The following TMEM117 variants were observed in gnomAD, a reference collection of about 807,000 sequenced individuals.
The protein encoded by TMEM117 is transmembrane protein 117.
Under a neutral mutation model 52.4 loss-of-function variants are expected in TMEM117, and 27 were observed. The ratio of observed to expected loss-of-function variants is 0.51; its 90% CI spans 0.38 to 0.71. TMEM117 has a LOEUF of 0.71. TMEM117 is among the 30% of genes least tolerant of loss of function. The probability of loss-of-function intolerance (pLI) is 0.00; values close to 1 mark genes in which losing one functional copy is unlikely to be tolerated. For synonymous variants in TMEM117, 215 were observed against 206.3 expected (o/e 1.04, Z -0.36); for missense variants, 556 against 630.5 (o/e 0.88, Z 1.26).
intron 6 of TMEM117, among the ~76,000 whole-genome samples, chr12:44,357,003 C>A (rs1951658285): frequency 6.6e-6 from 1 of 152,168 alleles, no homozygotes; most frequent in Admixed American, 6.6e-5. Context: ...CCTTCACACA[C>A]TGGCTCCTTC....
intron 3 of TMEM117, among the ~76,000 whole-genome samples, chr12:44,123,243 G>GTT (rs369011221): frequency 9.7e-5 from 14 of 144,860 alleles, no homozygotes; most frequent in African/African-American, 2.3e-4. Context: ...TTTTTAATGG[G>GTT]GTTTTTTTTT....
At chr12:44,274,426 A>C (rs527777031) in intron 5 of TMEM117, among the ~76,000 whole-genome samples, 2 of 152,266 alleles carry the variant, frequency 1.3e-5, no homozygotes, top group Non-Finnish European at 2.9e-5. Flanking sequence ...AATACTAATG[A>C]CATTCTTCAC....
chr12:43,974,692 G>A (rs1027735514), intron 3 of TMEM117, among the ~76,000 whole-genome samples: 1 of 151,998 alleles, frequency 6.6e-6, no homozygotes, highest in Admixed American at 6.6e-5. Flanking sequence ...CATTTTTGAT[G>A]TCTGTTATTC....
At chr12:44,202,576 T>A (rs1330370734) in intron 4 of TMEM117, among the ~76,000 whole-genome samples, 1 of 152,200 alleles carries the variant, frequency 6.6e-6, no homozygotes, top group Non-Finnish European at 1.5e-5. Context: ...TGTGTGTATG[T>A]TCATCAGGGA....
chr12:44,287,142 A>G (rs574606361), intron 5 of TMEM117, among the ~76,000 whole-genome samples: 31 of 152,322 alleles, frequency 2.0e-4, no homozygotes, highest in Non-Finnish European at 4.6e-4. Context: ...TCTTAGTCTC[A>G]CATTCTAATT....
At chr12:44,291,374 G>GTTTTTTTT (rs1185340451) in intron 5 of TMEM117, among the ~76,000 whole-genome samples, 1 of 71,456 alleles carries the variant, frequency 1.4e-5, no homozygotes, top group African/African-American at 5.8e-5. Flanking sequence ...AGTTCTAACA[G>GTTTTTTTT]TTTTTTTTTT....
chr12:44,076,571 G>A (rs1302326157), intron 3 of TMEM117, among the ~76,000 whole-genome samples: 4 of 152,176 alleles, frequency 2.6e-5, no homozygotes, highest in Admixed American at 2.6e-4. Flanking sequence ...ATGTAAGTGA[G>A]ATATTCTGTT....
rs183009205 is a variant in TMEM117, at chr12:44,146,079, T to C, written c.510+2455T>C. 1.4e-3 allele frequency among the ~76,000 whole-genome samples: 207 copies of C among 152,288 alleles called. 2 individuals are homozygous for C. Among genetic ancestry groups the C allele is most frequent in the Middle Eastern group, 0.01 (3 of 294 alleles). On this transcript the variant is annotated intron_variant, in intron 4 of 7. Coordinates refer to ENST00000266534, the MANE Select transcript of TMEM117 (RefSeq NM_032256.3). ...TTTTAACCATAGGGAGGGGTCCAATTGCTGCAGCACCCTTAGGAGGAAAAT... is the reference window on the plus strand; with the variant it reads ...TTTTAACCATAGGGAGGGGTCCAATCGCTGCAGCACCCTTAGGAGGAAAAT...
rs762906451 is a variant in TMEM117 at position 44,376,592 on chromosome 12, C to T, written c.769-3C>T. 1 of 1,596,656 alleles carries T rather than the reference C, an allele frequency of 6.3e-7. No homozygotes were observed. The highest frequency in any genetic ancestry group is 8.5e-7 in the Non-Finnish European group (1 of 1,173,032). The stretch of plus-strand genomic sequence containing the variant: ...AATGTTTTTATTTGATTTTCTCTGA[C>T]AGGACTGGGAATTCCCACATTTCAT... On this transcript the variant is annotated splice_region_variant and splice_polypyrimidine_tract_variant and intron_variant, in intron 6 of 7. Transcript: ENST00000266534.
rs1022454600 is a variant in TMEM117, at chr12:43,996,965, C to G, written c.410+52623C>G. Reference sequence around the variant, plus strand: ...CAATATAGAGAGCAGATACAAGAGTCAGAAAAATTATCCAGACAGTGCCTG... The same window carrying G: ...CAATATAGAGAGCAGATACAAGAGTGAGAAAAATTATCCAGACAGTGCCTG... On this transcript the variant is annotated intron_variant, in intron 3 of 7. Transcript: ENST00000266534. 5.3e-5 allele frequency among the ~76,000 whole-genome samples: 8 copies of G among 152,318 alleles called. 1 individual carries two copies. Among genetic ancestry groups the G allele is most frequent in the African/African-American group, 1.9e-4 (8 of 41,570 alleles).
At chr12:44,250,182 A>G (rs1033809119) in intron 5 of TMEM117, among the ~76,000 whole-genome samples, 1 of 152,192 alleles carries the variant, frequency 6.6e-6, no homozygotes, top group African/African-American at 2.4e-5. Flanking sequence ...GGCAAAGGAT[A>G]TGAACAGACA....
At chr12:43,796,109 G>A in the TMEM117 span, among the ~76,000 whole-genome samples, 1 of 152,190 alleles carries the variant, frequency 6.6e-6, no homozygotes, top group African/African-American at 2.4e-5. Context: ...CTCTACAAGA[G>A]AGGTAAACAA....
chr12:44,246,256 T>A (rs541679235), intron 5 of TMEM117, among the ~76,000 whole-genome samples: 1 of 152,280 alleles, frequency 6.6e-6, no homozygotes, highest in African/African-American at 2.4e-5. Context: ...CCCTCCCTAG[T>A]AGAACTAAAT....
rs184059956 is a variant in TMEM117 at position 44,028,063 on chromosome 12, G to A, written c.410+83721G>A. Among the ~76,000 whole-genome samples the A allele has an allele frequency of 6.2e-3, 941 of 152,212 alleles. 17 individuals carry two copies. The highest frequency in any genetic ancestry group is 0.026 in the Admixed American group (400 of 15,294). On this transcript the variant is annotated intron_variant, in intron 3 of 7. Coordinates refer to ENST00000266534, the MANE Select transcript of TMEM117 (RefSeq NM_032256.3). ...AAAAAATTAGCTGGGCATGGTGATG[G>A]GCACCTGTAGTCCCAGCTACTCGGG... is the stretch of plus-strand genomic sequence containing the variant.
intron 2 of TMEM117, among the ~76,000 whole-genome samples, chr12:43,845,460 CAAAAA>C (rs10677136): frequency 2.6e-5 from 1 of 37,996 alleles, no homozygotes; most frequent in Non-Finnish European, 5.2e-5. Flanking sequence ...GACTCCATCT[CAAAAA>C]AAAAAAAAAA....
intron 2 of TMEM117, among the ~76,000 whole-genome samples, chr12:43,927,129 T>G (rs936343215): frequency 6.6e-6 from 1 of 152,158 alleles, no homozygotes; most frequent in African/African-American, 2.4e-5. Context: ...TGTTTCTTAA[T>G]CTCCATTGGG....
chr12:44,366,086 A>G (rs1565761356), intron 6 of TMEM117, among the ~76,000 whole-genome samples: 2 of 152,094 alleles, frequency 1.3e-5, no homozygotes, highest in African/African-American at 4.8e-5. Flanking sequence ...AGCATTGAGT[A>G]ACTGTTGAAT....
At chr12:44,143,742 CA>C (rs1948603139) in intron 4 of TMEM117, 118 bp downstream of exon 4, 2 of 649,130 alleles carry the variant, frequency 3.1e-6, no homozygotes, top group African/African-American at 3.7e-5. Flanking sequence ...TTGAGTGAAA[CA>C]AATTTATGAG....
At chr12:44,398,834 A>T in the TMEM117 span, among the ~76,000 whole-genome samples, 2 of 152,224 alleles carry the variant, frequency 1.3e-5, no homozygotes, top group Non-Finnish European at 2.9e-5. Flanking sequence ...TCTACCTTCA[A>T]AAAAAGGTAG....
Sources: allele counts gnomAD v4.1 joint callset (sites outside exome capture counted in the v4.1 genomes callset), GRCh38; gene constraint gnomAD v4.1.1; transcripts MANE v1.5; gene names NCBI Gene and HGNC (gene_info 2026-07-23, HGNC 2026-07-21).